Variants in HSD17B12 observed in about 807,000 individuals in gnomAD.
The protein encoded by HSD17B12 is very-long-chain 3-oxoacyl-CoA reductase.
Under a neutral mutation model 39.3 loss-of-function variants are expected in HSD17B12, and 32 were observed. The ratio of observed to expected loss-of-function variants is 0.81; its 90% confidence interval spans 0.61 to 1.09. The LOEUF is 1.09. Among genes scored for constraint, HSD17B12 ranks in the 50% least tolerant of loss-of-function variants. The pLI, the probability that HSD17B12 is intolerant of heterozygous loss-of-function variation, is 0.00. For missense variants in HSD17B12, 342 were observed against 382.9 expected (o/e 0.89, Z 0.89); for synonymous variants, 150 against 146.7 (o/e 1.02, Z -0.16).
chr11:43,660,211 C>T, the HSD17B12 span, among the ~76,000 whole-genome samples: 1 of 152,284 alleles, frequency 6.6e-6, no homozygotes, highest in South Asian at 2.1e-4. Flanking sequence ...TGTTAGCATC[C>T]AGAAAGTCTC....
At chr11:43,583,654 G>A in the HSD17B12 span, among the ~76,000 whole-genome samples, 1 of 151,278 alleles carries the variant, frequency 6.6e-6, no homozygotes, top group Non-Finnish European at 1.5e-5. Context: ...TACCCATTTT[G>A]CTTTTGCTAA....
chr11:43,675,429 T>C, the HSD17B12 span, among the ~76,000 whole-genome samples: 1 of 152,000 alleles, frequency 6.6e-6, no homozygotes, highest in Non-Finnish European at 1.5e-5. Flanking sequence ...CAGAATGAAA[T>C]TGACTTATTT....
At chr11:43,713,370 CAT>C (rs1334280580) in intron 1 of HSD17B12, among the ~76,000 whole-genome samples, 3 of 149,448 alleles carry the variant, frequency 2.0e-5, no homozygotes, top group African/African-American at 7.4e-5. Flanking sequence ...TGAGTGAGAA[CAT>C]GTGGTGTTTG....
At chr11:43,692,531 A>G (rs1233603339) in intron 1 of HSD17B12, among the ~76,000 whole-genome samples, 6 of 152,238 alleles carry the variant, frequency 3.9e-5, no homozygotes, top group Non-Finnish European at 1.5e-5. Context: ...TTTAATAAAC[A>G]TTAAATATAA....
chr11:43,576,050 GC>G, the HSD17B12 span, among the ~76,000 whole-genome samples: 3 of 152,106 alleles, frequency 2.0e-5, no homozygotes, highest in Admixed American at 6.5e-5. Context: ...AAGGGGCTAT[GC>G]CCCCCCACCC....
At chr11:43,561,872 C>A in the HSD17B12 span, among the ~76,000 whole-genome samples, 1 of 152,122 alleles carries the variant, frequency 6.6e-6, no homozygotes, top group Non-Finnish European at 1.5e-5. Context: ...TACAAATGAG[C>A]CTAGCACGGT....
chr11:43,562,471 T>G, the HSD17B12 span, among the ~76,000 whole-genome samples: 1 of 152,250 alleles, frequency 6.6e-6, no homozygotes, highest in Non-Finnish European at 1.5e-5. Context: ...CCTCAAAAAG[T>G]TATTGTGACG....
chr11:43,768,822 G>T (rs896834816), intron 3 of HSD17B12, among the ~76,000 whole-genome samples: 1 of 152,162 alleles, frequency 6.6e-6, no homozygotes, highest in Non-Finnish European at 1.5e-5. Flanking sequence ...CCCCGCCCAT[G>T]TCCTGCTGAT....
intron 9 of HSD17B12, among the ~76,000 whole-genome samples, chr11:43,846,860 A>C (rs1379764844): frequency 6.6e-6 from 1 of 152,244 alleles, no homozygotes; most frequent in Non-Finnish European, 1.5e-5. Context: ...CAGTAAGTCC[A>C]AAACTGGAGG....
rs142014814 is a variant in HSD17B12 at position 43,787,013 on chromosome 11, C to T, written c.284-11307C>T. 8.5e-3 allele frequency among the ~76,000 whole-genome samples: 1,288 copies of T among 152,232 alleles called. 24 individuals are homozygous for T. Among genetic ancestry groups the T allele is most frequent in the African/African-American group, 0.029 (1,205 of 41,534 alleles). On this transcript the variant is annotated intron_variant, in intron 3 of 10. Transcript: ENST00000278353. ...GGCTGGAGGGCAGTGGTGATCTTGG[C>T]TCACTTCAACCTCCTCCTCCTGGGT... is the stretch of plus-strand genomic sequence containing the variant.
At chr11:43,653,256 A>G in the HSD17B12 span, among the ~76,000 whole-genome samples, 14 of 152,182 alleles carry the variant, frequency 9.2e-5, no homozygotes, top group Admixed American at 2.6e-4. Context: ...ATGCAAAAAG[A>G]TGAGTCTTGT....
chr11:43,795,173 G>T (rs1289997319), intron 3 of HSD17B12, among the ~76,000 whole-genome samples: 1 of 152,094 alleles, frequency 6.6e-6, no homozygotes, highest in Non-Finnish European at 1.5e-5. Flanking sequence ...TCTTCTGTTG[G>T]CAGGGTCACA....
intron 6 of HSD17B12, among the ~76,000 whole-genome samples, chr11:43,825,303 T>A (rs1335719613): frequency 6.6e-6 from 1 of 152,198 alleles, no homozygotes; most frequent in Non-Finnish European, 1.5e-5. Context: ...AGAAGTGTCT[T>A]ATGCGATGCC....
At chr11:43,834,787 G>A (rs989966943) in intron 7 of HSD17B12, among the ~76,000 whole-genome samples, 2 of 152,084 alleles carry the variant, frequency 1.3e-5, no homozygotes, top group Admixed American at 6.6e-5. Flanking sequence ...AGAGTTGGGC[G>A]AATTTAATGT....
At chr11:43,608,519 TTTTG>T in the HSD17B12 span, among the ~76,000 whole-genome samples, 305 of 152,270 alleles carry the variant, frequency 2.0e-3, 1 homozygote, top group Non-Finnish European at 2.0e-3. Flanking sequence ...CACCTGTGCA[TTTTG>T]TTTGTTTGTT....
At chr11:43,648,103 C>A in the HSD17B12 span, among the ~76,000 whole-genome samples, 1 of 151,630 alleles carries the variant, frequency 6.6e-6, no homozygotes, top group African/African-American at 2.4e-5. Context: ...CTTAAAGCCT[C>A]AAAAAAAATC....
the HSD17B12 span, among the ~76,000 whole-genome samples, chr11:43,595,901 C>T: frequency 5.9e-3 from 901 of 152,182 alleles, 7 homozygotes; most frequent in African/African-American, 0.021. Context: ...CATTATCTTC[C>T]ATGTTTTGGT....
intron 3 of HSD17B12, among the ~76,000 whole-genome samples, chr11:43,779,947 A>G (rs72892470): frequency 0.024 from 3,697 of 152,152 alleles, 64 homozygotes; most frequent in Non-Finnish European, 0.039. Context: ...TTTTTATCCT[A>G]ATTGGCTGCA....
the HSD17B12 span, among the ~76,000 whole-genome samples, chr11:43,634,157 A>T: frequency 5.4e-5 from 8 of 148,732 alleles, no homozygotes. Flanking sequence ...CATTTCTTTA[A>T]AAACAGGTAA....
Sources: allele counts gnomAD v4.1 joint callset (sites outside exome capture counted in the v4.1 genomes callset), GRCh38; gene constraint gnomAD v4.1.1; transcripts MANE v1.5; gene names NCBI Gene and HGNC (gene_info 2026-07-23, HGNC 2026-07-21).